CEP72: variants seen among roughly 807,000 people sequenced by gnomAD.
The protein encoded by CEP72 is centrosomal protein of 72 kDa.
Under a neutral mutation model 65.7 loss-of-function variants are expected in CEP72, and 78 were observed. The observed-to-expected ratio is 1.19, with a 90% CI of 0.99 to 1.43. The LOEUF (loss-of-function observed/expected upper bound fraction) is 1.43, where lower values mean the gene tolerates loss of function less well. Among genes scored for constraint, CEP72 ranks in the 40% most tolerant of loss-of-function variants. The pLI, the probability that CEP72 is intolerant of heterozygous loss-of-function variation, is 0.00. For missense variants in CEP72, 914 were observed against 832.9 expected (o/e 1.10, Z -1.20); for synonymous variants, 358 against 351.7 (o/e 1.02, Z -0.20).
chr5:671,509 C>G (rs1004484671), downstream of CEP72, among the ~76,000 whole-genome samples: 6 of 152,242 alleles, frequency 3.9e-5, no homozygotes, highest in Non-Finnish European at 7.3e-5. Context: ...GTTGCCTGGT[C>G]AGGCTCATGG....
rs1263408121 is a variant in CEP72, at chr5:623,824, C to T, written c.404-647C>T. ...CTTTGAACATTATATTATGCTATTA[C>T]TCACTCATTTCTTACAGTGATTCTG... On this transcript the variant is annotated intron_variant, in intron 3 of 11. Transcript: ENST00000264935. The surrounding 1 kb of genome is among the most constrained non-coding windows in gnomAD (Gnocchi z 5.3). 6.6e-6 allele frequency among the ~76,000 whole-genome samples: 1 copy of T among 152,162 alleles called. No homozygotes were observed. Among genetic ancestry groups the T allele is most frequent in the Admixed American group, 6.5e-5 (1 of 15,282 alleles).
At chr5:632,165 G>A (rs1427917593) in intron 4 of CEP72, among the ~76,000 whole-genome samples, 1 of 73,384 alleles carries the variant, frequency 1.4e-5, no homozygotes, top group Admixed American at 1.4e-4. Context: ...GTCCTGGTGG[G>A]GTTCTGTCCA....
Position 637,522 on chromosome 5 carries a change from A to G in CEP72, c.910A>G (p.Met304Val), listed in dbSNP as rs62000999. 0.017 allele frequency: 27,366 copies of G among 1,612,468 alleles called. 330 individuals carry two copies. Among genetic ancestry groups the G allele is most frequent in the Non-Finnish European group, 0.019 (22,963 of 1,178,960 alleles). ...CCATCCTCTCTATATCTCAGACTCC[A>G]TGGATACCGAGGACTCGGCCTCTTC... ...HTYFTPHPDS[M>V]DTEDSASSQK... is the part of the protein sequence containing the mutation. The change falls in exon 7 of 12, where the codon ATG becomes GTG. Residue 304 changes from methionine to valine, a missense_variant. Transcript: ENST00000264935.
chr5:653,140 G>T lies in CEP72; in HGVS notation c.1931G>T (p.Cys644Phe). 6.2e-7 allele frequency: 1 copy of T among 1,606,584 alleles called. No homozygotes were observed. The highest frequency in any genetic ancestry group is 1.7e-5 in the Admixed American group (1 of 58,838). The stretch of plus-strand genomic sequence containing the variant: ...CACAGCAGCGCCAGCCATGGAGGCT[G>T]CCAGGCCTGCTGACTCCTGCCGAGA... The part of the protein sequence containing the change: ...FPHSSASHGG[C>F]QAC The change falls in exon 12 of 12, where the codon TGC becomes TTC. Residue 644 changes from cysteine to phenylalanine, a missense_variant. Coordinates refer to ENST00000264935, the MANE Select transcript of CEP72 (RefSeq NM_018140.4).
chr5:613,049 A>G (rs928178590), intron 1 of CEP72, among the ~76,000 whole-genome samples: 2 of 152,194 alleles, frequency 1.3e-5, no homozygotes. Flanking sequence ...TTAAATGACA[A>G]ATTCTGTATC....
chr5:643,276 A>C, intron 9 of CEP72: 1 of 985,410 alleles, frequency 1.0e-6, no homozygotes, highest in South Asian at 4.7e-5. Context: ...TTGGGAGGCA[A>C]AACCATGAGA....
the CEP72 span, among the ~76,000 whole-genome samples, chr5:672,224 A>G: frequency 1.3e-5 from 2 of 152,082 alleles, no homozygotes; most frequent in South Asian, 2.1e-4. Flanking sequence ...GGGGTGTACC[A>G]GGCTCAGCAG....
intron 4 of CEP72, 148 bp from the exon 5 acceptor site, chr5:633,621 C>T (rs1288596839): frequency 8.4e-6 from 6 of 712,040 alleles, no homozygotes; most frequent in Non-Finnish European, 1.5e-5. Flanking sequence ...AGCATCACTG[C>T]AGTGGAAGCA....
intron 4 of CEP72, 130 bp from the exon 5 acceptor site, chr5:633,639 C>T (rs1737376205): frequency 4.8e-6 from 4 of 827,040 alleles, no homozygotes; most frequent in South Asian, 4.8e-5. Flanking sequence ...GCAACAGGAC[C>T]CGGCTGCCCC....
At chr5:671,168 A>G (rs963909692), downstream of CEP72, among the ~76,000 whole-genome samples, 1 of 150,356 alleles carries the variant, frequency 6.7e-6, no homozygotes, top group African/African-American at 2.5e-5. Flanking sequence ...GGATCAGCGC[A>G]CTGTCTCCCT....
chr5:670,840 C>T (rs955460035), downstream of CEP72, among the ~76,000 whole-genome samples: 3 of 152,208 alleles, frequency 2.0e-5, no homozygotes, highest in Admixed American at 1.3e-4. Context: ...ATTCTCCCCT[C>T]ATAAGTGACT....
intron 1 of CEP72, among the ~76,000 whole-genome samples, chr5:613,495 A>G (rs1735806591): frequency 6.6e-6 from 1 of 152,150 alleles, no homozygotes; most frequent in Non-Finnish European, 1.5e-5. Context: ...CCTCCTGAGT[A>G]GCTGGGATTA....
chr5:642,081 C>A, intron 9 of CEP72: 2 of 983,662 alleles, frequency 2.0e-6, no homozygotes, highest in South Asian at 9.4e-5. Context: ...CACACGTGGT[C>A]CCCCGTCCAG....
At chr5:621,889 G>T (rs1697992) in intron 3 of CEP72, among the ~76,000 whole-genome samples, 95,928 of 152,160 alleles carry the variant, frequency 0.63, 30,394 homozygotes, top group South Asian at 0.65. Context: ...TACTCCTGCC[G>T]CAGCCTCCCA....
intron 3 of CEP72, among the ~76,000 whole-genome samples, chr5:622,674 G>A (rs1164312007): frequency 2.6e-5 from 4 of 152,238 alleles, no homozygotes; most frequent in Non-Finnish European, 4.4e-5. Context: ...GCGTGCATGC[G>A]TGGTGCTGGC....
chr5:633,817 C>G lies in CEP72; in HGVS notation c.561C>G (p.Ser187Arg). ...AKCTEALAKQ[S>R]LVMDADDEAV... ...GCACCGAGGCCTTGGCCAAGCAGAG[C>G]CTGGTCATGGATGCGGATGACGAGG... The change falls in exon 5 of 12, where the codon AGC (serine) becomes AGG (arginine). Residue 187 changes from serine (S) to arginine (R), a missense_variant. Transcript: ENST00000264935. 6.2e-7 allele frequency: 1 copy of G among 1,614,114 alleles called. No individual in the cohort carries two copies. Among genetic ancestry groups the G allele is most frequent in the Non-Finnish European group, 8.5e-7 (1 of 1,180,038 alleles).
rs979456041 is a variant in CEP72, at chr5:624,597, A to G, written c.512+18A>G. 18 of 1,529,374 alleles carry G rather than the reference A, an allele frequency of 1.2e-5. No individual in the cohort carries two copies. Among genetic ancestry groups the G allele is most frequent in the East Asian group, 2.2e-5 (1 of 44,458 alleles). 94.7% of individuals were successfully genotyped at this position (1,529,374 alleles called of 1,614,324 possible). A position where few individuals can be genotyped will look rare whatever the true frequency, so the allele number is the denominator to read the frequency against. On this transcript the variant is annotated intron_variant, in intron 4 of 11. Coordinates refer to ENST00000264935, the MANE Select transcript of CEP72 (RefSeq NM_018140.4). The surrounding 1 kb of genome is among the most constrained non-coding windows in gnomAD (Gnocchi z 4.7). ...GAGGGCAGGTATGAACGGAAGTGCT[A>G]CGGACACCCAGAGTGTTTCTGACTG...
chr5:625,296 G>C (rs2126751398), intron 4 of CEP72, among the ~76,000 whole-genome samples: 1 of 152,350 alleles, frequency 6.6e-6, no homozygotes, highest in East Asian at 1.9e-4. Flanking sequence ...ACACTTTCTT[G>C]AGTACCATTT....
chr5:633,992 G>A, intron 5 of CEP72, 45 bp downstream of exon 5: 1 of 1,581,046 alleles, frequency 6.3e-7, no homozygotes. Flanking sequence ...CGCTGGCTCT[G>A]GGATATATAT....
Sources: gnomAD v4.1 joint callset for allele counts (sites outside exome capture counted in the v4.1 genomes callset) on GRCh38, gnomAD v4.1.1 for gene constraint, Gnocchi (gnomAD v3.1) non-coding constraint, MANE v1.5 for transcripts, NCBI Gene and HGNC (gene_info 2026-07-23, HGNC 2026-07-21) for gene names.